DNM1L: variants seen among roughly 807,000 people sequenced by gnomAD.
DNM1L encodes the protein dynamin 1L.
Under a neutral mutation model 92.8 loss-of-function variants are expected in DNM1L, and 33 were observed. That is an observed-to-expected ratio of 0.36 (90% CI 0.27 to 0.48). The LOEUF (loss-of-function observed/expected upper bound fraction) is 0.48. Among genes scored for constraint, DNM1L ranks in the 20% least tolerant of loss-of-function variants. The probability of loss-of-function intolerance (pLI) is 0.99; values close to 1 mark genes in which losing one functional copy is unlikely to be tolerated. For synonymous variants in DNM1L, 284 were observed against 305.0 expected, an observed-to-expected ratio of 0.93 and a Z score of 0.72; for missense variants, 485 against 888.8, an observed-to-expected ratio of 0.55 and a Z score of 5.78.
chr12:32,744,633 A>G lies in DNM1L; in HGVS notation c.*1223A>G, dbSNP rs1565552066. 2 of 295,126 alleles carry G rather than the reference A, an allele frequency of 6.8e-6. No individual in the cohort carries two copies. Among genetic ancestry groups the G allele is most frequent in the East Asian group, 2.3e-4 (2 of 8,554 alleles). 18.3% of individuals were successfully genotyped at this position (295,126 alleles called of 1,614,324 possible). On this transcript the variant is annotated 3_prime_UTR_variant, in exon 20 of 20. Coordinates refer to ENST00000549701, the MANE Select transcript of DNM1L (RefSeq NM_012062.5). ...GAGGGTGAGGCAGGAGAATTGCTTG[A>G]CCCTGGGAGGTGGAGGTTGTGGTGA...
At position 32,744,573 on chromosome 12, in the gene DNM1L, C is replaced by T. The variant is rs1456832667; in HGVS notation, c.*1163C>T. 2.4e-5 allele frequency: 5 copies of T among 208,556 alleles called. No homozygotes were observed. The highest frequency in any genetic ancestry group is 4.8e-5 in the African/African-American group (2 of 41,856). The allele number at this position is 208,556 out of a possible 1,614,324, so 12.9% of individuals were successfully genotyped here. A position where few individuals can be genotyped will look rare whatever the true frequency, so the allele number is the denominator to read the frequency against. On this transcript the variant is annotated 3_prime_UTR_variant, in exon 20 of 20. Transcript: ENST00000549701. ...TACTAAAAATACAAAATTGGCCGGG[C>T]GTGGTGGCGCATGCCTGTAATCCCA...
intron 6 of DNM1L, among the ~76,000 whole-genome samples, chr12:32,714,508 G>A (rs1053455351): frequency 8.6e-5 from 13 of 151,642 alleles, no homozygotes; most frequent in Non-Finnish European, 1.6e-4. Flanking sequence ...TCCTGACCTC[G>A]TGATCCGCCC....
At position 32,731,574 on chromosome 12, in the gene DNM1L, AC is replaced by A. The variant is rs1954556540; in HGVS notation, c.1356+64del. Reference sequence around the variant, plus strand: ...GAAAAGGACATGAAGTGGTGGTTTCACTGGGTGGAAGGAAATGTATAAGATG... The same window carrying A: ...GAAAAGGACATGAAGTGGTGGTTTCATGGGTGGAAGGAAATGTATAAGATG... On this transcript the variant is annotated intron_variant, in intron 11 of 19. Coordinates refer to ENST00000549701, the MANE Select transcript of DNM1L (RefSeq NM_012062.5). The surrounding 1 kb of genome is among the most constrained non-coding windows in gnomAD (Gnocchi z 5.1). 1 of 1,598,220 alleles carries A rather than the reference AC, an allele frequency of 6.3e-7. No homozygotes were observed. Among genetic ancestry groups the A allele is most frequent in the East Asian group, 2.2e-5 (1 of 44,810 alleles).
chr12:32,696,640 T>G (rs1312375874), intron 1 of DNM1L, among the ~76,000 whole-genome samples: 1 of 150,464 alleles, frequency 6.6e-6, no homozygotes, highest in East Asian at 2.0e-4. Context: ...CTGTCTTTTT[T>G]TTTTAAAGAC....
rs1282856454 is a variant in DNM1L, at chr12:32,679,921, C to T, written c.102+456C>T. 4 of 986,244 alleles carry T rather than the reference C, an allele frequency of 4.1e-6. No homozygotes were observed. In the South Asian group the frequency reaches 1.9e-4, roughly 46 times the overall value. 61.1% of individuals were successfully genotyped at this position (986,244 alleles called of 1,614,324 possible). ...CGTGAGACGGGTGTTTTATTTCCCT[C>T]CTTGCCTTGCCCAGGGACTGCGGAG... On this transcript the variant is annotated intron_variant, in intron 1 of 19. Coordinates refer to ENST00000549701, the MANE Select transcript of DNM1L (RefSeq NM_012062.5).
At chr12:32,679,962 C>G in intron 1 of DNM1L, 1 of 985,576 alleles carries the variant, frequency 1.0e-6, no homozygotes, top group Non-Finnish European at 1.2e-6. Context: ...TTTGGAATCG[C>G]TCTGTTGAGG....
chr12:32,718,841 T>C, intron 7 of DNM1L, 78 bp downstream of exon 7: 1 of 1,582,458 alleles, frequency 6.3e-7, no homozygotes, highest in South Asian at 1.1e-5. Flanking sequence ...AGAGCAAGTC[T>C]GAATTTCTAA....
rs778860471 is a variant in DNM1L, at chr12:32,731,562, AGTG to A, written c.1356+57_1356+59del. On this transcript the variant is annotated intron_variant, in intron 11 of 19. Transcript: ENST00000549701. This position sits in a 1 kb window ranked among gnomAD's most constrained non-coding sequence, Gnocchi z 5.1. ...TCACATGAACTAGAAAAGGACATGA[AGTG>A]GTGGTTTCACTGGGTGGAAGGAAAT... 1.2e-6 allele frequency: 2 copies of A among 1,607,946 alleles called. No individual in the cohort carries two copies. Among genetic ancestry groups the A allele is most frequent in the East Asian group, 2.2e-5 (1 of 44,866 alleles).
intron 9 of DNM1L, chr12:32,726,456 TC>T: frequency 1.6e-6 from 2 of 1,275,822 alleles, no homozygotes; most frequent in South Asian, 2.4e-5. Context: ...ATCTCCTTTG[TC>T]CTCTTCCTCA....
intron 8 of DNM1L, among the ~76,000 whole-genome samples, chr12:32,721,300 T>G (rs1953788066): frequency 1.3e-5 from 2 of 152,206 alleles, no homozygotes; most frequent in Non-Finnish European, 2.9e-5. Flanking sequence ...TATAAATGAC[T>G]GAAGTGGAAG....
intron 1 of DNM1L, among the ~76,000 whole-genome samples, chr12:32,700,232 G>C (rs1365261793): frequency 6.6e-6 from 1 of 151,950 alleles, no homozygotes; most frequent in African/African-American, 2.4e-5. Context: ...CAATTCTCCT[G>C]CCTCAGCCTC....
Position 32,731,587 on chromosome 12 carries a change from A to C in DNM1L, c.1356+76A>C. Reference sequence around the variant, plus strand: ...AGTGGTGGTTTCACTGGGTGGAAGGAAATGTATAAGATGGGATACAAGGTA... The same window carrying C: ...AGTGGTGGTTTCACTGGGTGGAAGGCAATGTATAAGATGGGATACAAGGTA... On this transcript the variant is annotated intron_variant, in intron 11 of 19. Transcript: ENST00000549701. This position sits in a 1 kb window ranked among gnomAD's most constrained non-coding sequence, Gnocchi z 5.1. 1 of 1,574,678 alleles carries C rather than the reference A, an allele frequency of 6.4e-7. No individual in the cohort carries two copies. The highest frequency in any genetic ancestry group is 1.1e-5 in the South Asian group (1 of 89,654).
intron 8 of DNM1L, among the ~76,000 whole-genome samples, chr12:32,721,335 T>C (rs1374443863): frequency 1.3e-5 from 2 of 152,162 alleles, no homozygotes; most frequent in Non-Finnish European, 2.9e-5. Flanking sequence ...TTTTATCTTA[T>C]TCCCTAAAGA....
Position 32,743,638 on chromosome 12 carries a change from C to CA in DNM1L, c.*230dup, listed in dbSNP as rs1955468553. 1.9e-6 allele frequency: 1 copy of CA among 540,328 alleles called. No homozygotes were observed. The highest frequency in any genetic ancestry group is 3.3e-6 in the Non-Finnish European group (1 of 303,012). 33.5% of individuals were successfully genotyped at this position (540,328 alleles called of 1,614,324 possible). Reference sequence around the variant, plus strand: ...GTTTCCCAGTATATATAAAATACATCAAGTCTGTCTTGTGACAGTTTCATC... The same window carrying CA: ...GTTTCCCAGTATATATAAAATACATCAAAGTCTGTCTTGTGACAGTTTCATC... On this transcript the variant is annotated 3_prime_UTR_variant, in exon 20 of 20. Coordinates refer to ENST00000549701, the MANE Select transcript of DNM1L (RefSeq NM_012062.5).
chr12:32,692,115 C>G (rs569507247), intron 1 of DNM1L, among the ~76,000 whole-genome samples: 1 of 152,132 alleles, frequency 6.6e-6, no homozygotes, highest in East Asian at 1.9e-4. Context: ...CATACTATAA[C>G]CATTTTCTCT....
chr12:32,687,446 T>TTTG (rs144897387), intron 1 of DNM1L, among the ~76,000 whole-genome samples: 23,137 of 151,622 alleles, frequency 0.15, 1,849 homozygotes, highest in Middle Eastern at 0.21. Context: ...GAGCAAAGAT[T>TTTG]TTGTTGTTGT....
At chr12:32,718,044 C>T (rs142610565) in intron 6 of DNM1L, among the ~76,000 whole-genome samples, 16,935 of 116,998 alleles carry the variant, frequency 0.14, 1,446 homozygotes, top group Middle Eastern at 0.21. Context: ...ACTATACATA[C>T]TATATATACT....
At chr12:32,735,506 GTTAT>G (rs1031663462) in intron 13 of DNM1L, among the ~76,000 whole-genome samples, 21 of 152,134 alleles carry the variant, frequency 1.4e-4, no homozygotes, top group Admixed American at 1.0e-3. Context: ...TTTATTATCT[GTTAT>G]TTTTTATTAC....
At chr12:32,684,631 T>C (rs1362985090) in intron 1 of DNM1L, among the ~76,000 whole-genome samples, 1 of 152,162 alleles carries the variant, frequency 6.6e-6, no homozygotes, top group Non-Finnish European at 1.5e-5. Context: ...CGCACCCAGC[T>C]AATTTTTTTG....
Sources: gnomAD v4.1 joint callset for allele counts (sites outside exome capture counted in the v4.1 genomes callset) on GRCh38, gnomAD v4.1.1 for gene constraint, Gnocchi (gnomAD v3.1) non-coding constraint, MANE v1.5 for transcripts, NCBI Gene and HGNC (gene_info 2026-07-23, HGNC 2026-07-21) for gene names.